The following MGAT4C variants were observed in gnomAD, a reference collection of about 807,000 sequenced individuals.
The protein encoded by MGAT4C is alpha-1,3-mannosyl-glycoprotein 4-beta-N-acetylglucosaminyltransferase C.
A neutral mutation model predicts 40.1 loss-of-function variants in MGAT4C; 19 were observed. The observed-to-expected ratio is 0.47, with a 90% confidence interval of 0.33 to 0.70. The LOEUF is 0.70. Ranked by LOEUF, MGAT4C falls within the 30% of genes least tolerant of loss-of-function variation. The pLI, the probability that MGAT4C is intolerant of heterozygous loss-of-function variation, is 0.02. For missense variants in MGAT4C, 491 were observed against 563.2 expected (o/e 0.87, Z 1.30); for synonymous variants, 181 against 187.1 (o/e 0.97, Z 0.27).
chr12:86,625,144 A>G (rs1962763766), intron 2 of MGAT4C, among the ~76,000 whole-genome samples: 1 of 151,946 alleles, frequency 6.6e-6, no homozygotes, highest in African/African-American at 2.4e-5. Context: ...GGGCTTTTTA[A>G]AGGGGCTCTT....
intron 1 of MGAT4C, among the ~76,000 whole-genome samples, chr12:86,835,816 A>T (rs989142181): frequency 6.6e-6 from 1 of 151,802 alleles, no homozygotes; most frequent in African/African-American, 2.4e-5. Context: ...TGCAAAATAG[A>T]CATGTGATAA....
At chr12:86,501,809 G>A (rs946474489) in intron 2 of MGAT4C, among the ~76,000 whole-genome samples, 2 of 152,020 alleles carry the variant, frequency 1.3e-5, no homozygotes, top group Non-Finnish European at 2.9e-5. Flanking sequence ...GAACATACAT[G>A]TGCATGTATC....
chr12:86,316,270 G>A (rs1294369519), intron 4 of MGAT4C, among the ~76,000 whole-genome samples: 1 of 152,040 alleles, frequency 6.6e-6, no homozygotes, highest in East Asian at 1.9e-4. Context: ...TGTTGGTGGG[G>A]ATGTAAATTA....
chr12:86,333,952 A>C (rs950879994), intron 4 of MGAT4C: 1 of 152,160 alleles, frequency 6.6e-6, no homozygotes, highest in Non-Finnish European at 1.5e-5. Flanking sequence ...AGAATGCAGA[A>C]ATTGCACTTA....
intron 1 of MGAT4C, among the ~76,000 whole-genome samples, chr12:86,150,902 A>C (rs183944856): frequency 6.6e-6 from 1 of 152,328 alleles, no homozygotes; most frequent in Admixed American, 6.5e-5. Flanking sequence ...ACAATGCATG[A>C]TAAGTGCTGC....
intron 1 of MGAT4C, among the ~76,000 whole-genome samples, chr12:86,831,189 TC>T (rs1952920708): frequency 6.6e-6 from 1 of 151,672 alleles, no homozygotes; most frequent in Non-Finnish European, 1.5e-5. Flanking sequence ...CATAAAGATA[TC>T]CATTTTCCTT....
At chr12:86,632,124 A>G (rs762892222) in intron 2 of MGAT4C, among the ~76,000 whole-genome samples, 1 of 152,132 alleles carries the variant, frequency 6.6e-6, no homozygotes, top group African/African-American at 2.4e-5. Context: ...TCAAAAGAAG[A>G]CATTTATGCA....
At chr12:86,049,198 A>C (rs1359496889) in intron 2 of MGAT4C, among the ~76,000 whole-genome samples, 4 of 152,062 alleles carry the variant, frequency 2.6e-5, no homozygotes, top group African/African-American at 9.7e-5. Flanking sequence ...AAAACTACTC[A>C]TTAACACAAC....
chr12:86,319,431 G>A (rs1006122362), intron 4 of MGAT4C, among the ~76,000 whole-genome samples: 1 of 152,052 alleles, frequency 6.6e-6, no homozygotes, highest in African/African-American at 2.4e-5. Context: ...AAGAAGCAGT[G>A]AATAATTCCT....
At chr12:86,570,962 T>C (rs1265807092) in intron 2 of MGAT4C, among the ~76,000 whole-genome samples, 2 of 152,032 alleles carry the variant, frequency 1.3e-5, no homozygotes, top group Non-Finnish European at 2.9e-5. Flanking sequence ...TACAGGTATA[T>C]GCCATCACAC....
chr12:86,509,242 G>A (rs1958528646), intron 2 of MGAT4C, among the ~76,000 whole-genome samples: 1 of 152,090 alleles, frequency 6.6e-6, no homozygotes, highest in Non-Finnish European at 1.5e-5. Context: ...TTTGTATAAG[G>A]TGTGAGGAAG....
rs1041862834 is a variant in MGAT4C at position 86,098,833 on chromosome 12, C to G, written c.-56-49110G>C. Among the ~76,000 whole-genome samples the G allele has an allele frequency of 4.0e-5, 6 of 151,582 alleles. No individual in the cohort carries two copies. In the South Asian group the frequency reaches 8.3e-4, roughly 21 times the overall value. ...GTGAGAGCTGCATTTATATACTAAG[C>G]TAATTTTATTTTTCCCAAGTGAATA... is the stretch of plus-strand genomic sequence containing the variant. On this transcript the variant is annotated intron_variant, in intron 1 of 4. Transcript: ENST00000611864.
intron 4 of MGAT4C, among the ~76,000 whole-genome samples, chr12:86,293,720 C>A (rs114844368): frequency 3.2e-3 from 490 of 152,276 alleles, no homozygotes; most frequent in African/African-American, 0.011. Context: ...GTCAAGGGAG[C>A]ACCCAGGTGG....
intron 3 of MGAT4C, among the ~76,000 whole-genome samples, chr12:86,361,219 A>G (rs945376305): frequency 4.6e-5 from 7 of 152,262 alleles, no homozygotes; most frequent in Admixed American, 2.0e-4. Context: ...AAACCTGACA[A>G]AAACAAGAAA....
intron 1 of MGAT4C, among the ~76,000 whole-genome samples, chr12:86,243,317 G>A (rs2136051045): frequency 6.6e-6 from 1 of 152,274 alleles, no homozygotes; most frequent in South Asian, 2.1e-4. Flanking sequence ...TTTGGCAGTG[G>A]CAGCTGACAG....
chr12:86,659,565 G>T (rs1026808232), intron 2 of MGAT4C, among the ~76,000 whole-genome samples: 1 of 152,054 alleles, frequency 6.6e-6, no homozygotes. Flanking sequence ...TAGGGTTGGA[G>T]TAATGAAGGG....
chr12:86,038,154 A>G (rs1336392470), intron 2 of MGAT4C, among the ~76,000 whole-genome samples: 2 of 149,958 alleles, frequency 1.3e-5, no homozygotes, highest in African/African-American at 4.8e-5. Context: ...CATGATCTAC[A>G]GGTGTGATGG....
chr12:85,986,868 T>C (rs1275240420), intron 3 of MGAT4C, among the ~76,000 whole-genome samples: 1 of 152,120 alleles, frequency 6.6e-6, no homozygotes, highest in Non-Finnish European at 1.5e-5. Context: ...TTCCCATGGA[T>C]ACTATTCATT....
At chr12:85,986,011 T>A (rs1885156842) in intron 3 of MGAT4C, among the ~76,000 whole-genome samples, 1 of 152,208 alleles carries the variant, frequency 6.6e-6, no homozygotes, top group African/African-American at 2.4e-5. Context: ...ACATAAAATC[T>A]AGAAATTTTG....
Sources: allele counts gnomAD v4.1 joint callset (sites outside exome capture counted in the v4.1 genomes callset), GRCh38; gene constraint gnomAD v4.1.1; transcripts MANE v1.5; gene names NCBI Gene and HGNC (gene_info 2026-07-23, HGNC 2026-07-21).